AOPEP: variants seen among roughly 807,000 people sequenced by gnomAD.
AOPEP encodes aminopeptidase O.
In AOPEP, 77 loss-of-function variants were observed where a neutral mutation model predicts 98.1. That is an observed-to-expected ratio of 0.78 (90% CI 0.65 to 0.95). The LOEUF (loss-of-function observed/expected upper bound fraction) is 0.95, where lower values mean the gene tolerates loss of function less well. Ranked by LOEUF, AOPEP falls within the 40% of genes least tolerant of loss-of-function variation. The pLI, the probability that AOPEP is intolerant of heterozygous loss-of-function variation, is 0.00. For missense variants in AOPEP, 1,024 were observed against 1,024.7 expected (o/e 1.00, Z 0.01); for synonymous variants, 346 against 365.3 (o/e 0.95, Z 0.60).
intron 5 of AOPEP, among the ~76,000 whole-genome samples, chr9:94,861,054 G>A (rs944167429): frequency 6.6e-6 from 1 of 152,118 alleles, no homozygotes; most frequent in Non-Finnish European, 1.5e-5. Flanking sequence ...GAGATTCTTT[G>A]GTCTTGACCA....
At chr9:94,785,217 G>A (rs749560663) in intron 3 of AOPEP, among the ~76,000 whole-genome samples, 6 of 152,234 alleles carry the variant, frequency 3.9e-5, no homozygotes, top group African/African-American at 9.6e-5. Flanking sequence ...TTATAGGCGT[G>A]AGCCACTGCG....
At chr9:94,741,711 A>G (rs765356066) in intron 1 of AOPEP, among the ~76,000 whole-genome samples, 5 of 152,150 alleles carry the variant, frequency 3.3e-5, no homozygotes, top group African/African-American at 4.8e-5. Flanking sequence ...AGTAGTAATT[A>G]AAAACAACTC....
chr9:94,856,112 C>T (rs554601575), intron 5 of AOPEP, among the ~76,000 whole-genome samples: 28 of 152,156 alleles, frequency 1.8e-4, no homozygotes, highest in Non-Finnish European at 2.5e-4. Flanking sequence ...GCCCTGACCA[C>T]GAATGGCTGG....
chr9:94,901,779 A>C (rs1034966508), intron 5 of AOPEP, among the ~76,000 whole-genome samples: 1 of 152,092 alleles, frequency 6.6e-6, no homozygotes, highest in Non-Finnish European at 1.5e-5. Flanking sequence ...GTCCTTACTA[A>C]AAATACAGAA....
chr9:95,015,552 G>A (rs1350896612), intron 13 of AOPEP, among the ~76,000 whole-genome samples: 1 of 152,208 alleles, frequency 6.6e-6, no homozygotes, highest in Non-Finnish European at 1.5e-5. Context: ...ATAGTTAGAA[G>A]TAGAAAACTA....
At chr9:94,901,908 CAAAA>C (rs1046111786) in intron 5 of AOPEP, among the ~76,000 whole-genome samples, 1 of 148,266 alleles carries the variant, frequency 6.7e-6, no homozygotes, top group Non-Finnish European at 1.5e-5. Context: ...GACTGTGTCT[CAAAA>C]AAAAAGAAAA....
intron 5 of AOPEP, among the ~76,000 whole-genome samples, chr9:94,876,093 C>T (rs2046907388): frequency 6.6e-6 from 1 of 152,168 alleles, no homozygotes; most frequent in African/African-American, 2.4e-5. Context: ...ATAGGCAGTT[C>T]AACAGTATTT....
intron 13 of AOPEP, among the ~76,000 whole-genome samples, chr9:95,011,104 A>AGGTATTTTT (rs1374568823): frequency 1.3e-5 from 2 of 152,128 alleles, no homozygotes; most frequent in Non-Finnish European, 2.9e-5. Context: ...TGCTGATAAA[A>AGGTATTTTT]GGTATTTTTG....
chr9:95,146,480 C>G, the AOPEP span, among the ~76,000 whole-genome samples: 2 of 58,188 alleles, frequency 3.4e-5, no homozygotes, highest in African/African-American at 1.6e-4. Flanking sequence ...AGAGTGAGAC[C>G]CCATCTCAAA....
chr9:94,779,001 C>T (rs556303760), intron 3 of AOPEP, among the ~76,000 whole-genome samples: 28 of 150,686 alleles, frequency 1.9e-4, no homozygotes, highest in Non-Finnish European at 2.9e-4. Flanking sequence ...TGCACTTCAG[C>T]GTGGGTGACA....
chr9:95,031,987 C>T (rs550758501), intron 13 of AOPEP, among the ~76,000 whole-genome samples: 1 of 152,310 alleles, frequency 6.6e-6, no homozygotes, highest in South Asian at 2.1e-4. Context: ...GAATAAGTGG[C>T]TCAGTGTCCT....
Position 94,823,337 on chromosome 9 carries a change from T to G in AOPEP, c.1364+22335T>G, listed in dbSNP as rs546116487. On this transcript the variant is annotated intron_variant, in intron 5 of 16. Coordinates refer to ENST00000375315, the MANE Select transcript of AOPEP (RefSeq NM_001193329.3). ...AGCTGTACTGGGCAGTTGACTCGCTTTCTATTTAAAGGTCAGTATACCTCT... is the reference window on the plus strand; with the variant it reads ...AGCTGTACTGGGCAGTTGACTCGCTGTCTATTTAAAGGTCAGTATACCTCT... Among the ~76,000 whole-genome samples the G allele has an allele frequency of 1.6e-4, 25 of 152,318 alleles. No homozygotes were observed. The East Asian group carries it at 4.8e-3, about 29-fold the overall frequency.
At chr9:94,970,485 T>G (rs2059468848) in intron 10 of AOPEP, among the ~76,000 whole-genome samples, 1 of 152,172 alleles carries the variant, frequency 6.6e-6, no homozygotes, top group Non-Finnish European at 1.5e-5. Flanking sequence ...TACACATATT[T>G]GATACATTTC....
chr9:94,913,267 G>T (rs976175350), intron 5 of AOPEP, among the ~76,000 whole-genome samples: 7 of 152,182 alleles, frequency 4.6e-5, no homozygotes, highest in African/African-American at 1.7e-4. Context: ...AAATGGAAAG[G>T]TTAGTTAAAA....
At chr9:94,984,476 A>G (rs2060394235) in intron 11 of AOPEP, among the ~76,000 whole-genome samples, 2 of 152,342 alleles carry the variant, frequency 1.3e-5, no homozygotes, top group African/African-American at 4.8e-5. Flanking sequence ...AACATTTCTG[A>G]TGAAAATTTA....
At chr9:94,765,163 A>G (rs373642914) in intron 2 of AOPEP, among the ~76,000 whole-genome samples, 2 of 151,778 alleles carry the variant, frequency 1.3e-5, no homozygotes, top group Admixed American at 6.6e-5. Flanking sequence ...GGGTTTTGCT[A>G]TGTTGCCCAG....
At chr9:95,147,793 G>A in the AOPEP span, among the ~76,000 whole-genome samples, 2 of 152,292 alleles carry the variant, frequency 1.3e-5, no homozygotes, top group African/African-American at 4.8e-5. Context: ...AAATGCAGAT[G>A]TGATAAATTA....
intron 5 of AOPEP, among the ~76,000 whole-genome samples, chr9:94,922,981 G>C (rs1173449552): frequency 6.6e-6 from 1 of 152,200 alleles, no homozygotes; most frequent in Non-Finnish European, 1.5e-5. Flanking sequence ...CGACATGATA[G>C]CAAACAAATG....
At chr9:94,739,382 C>T (rs930910500) in intron 1 of AOPEP, among the ~76,000 whole-genome samples, 4 of 152,194 alleles carry the variant, frequency 2.6e-5, no homozygotes, top group African/African-American at 2.4e-5. Context: ...CAGTGGCTCA[C>T]GCCTGTAATC....
Sources: allele counts gnomAD v4.1 joint callset (sites outside exome capture counted in the v4.1 genomes callset), GRCh38; gene constraint gnomAD v4.1.1; transcripts MANE v1.5; gene names NCBI Gene and HGNC (gene_info 2026-07-23, HGNC 2026-07-21).